The following PLD5 variants were observed in gnomAD, a reference collection of about 807,000 sequenced individuals.
The protein encoded by PLD5 is phospholipase D family member 5, also known as inactive phospholipase D5.
A neutral mutation model predicts 61.1 loss-of-function variants in PLD5; 36 were observed. The observed-to-expected ratio is 0.59, with a 90% CI of 0.45 to 0.78. PLD5 has a LOEUF of 0.78. PLD5 is among the 30% of genes least tolerant of loss of function. The pLI is 0.00. For synonymous variants in PLD5, 243 were observed against 242.8 expected, an observed-to-expected ratio of 1.00 and a Z score of -0.01; for missense variants, 515 against 644.4, an observed-to-expected ratio of 0.80 and a Z score of 2.17.
chr1:242,293,615 T>C (rs1675493463), intron 2 of PLD5, among the ~76,000 whole-genome samples: 2 of 152,186 alleles, frequency 1.3e-5, no homozygotes, highest in Non-Finnish European at 2.9e-5. Context: ...ACACATCCTC[T>C]GAGGATAAGT....
At position 242,233,570 on chromosome 1, in the gene PLD5, G is replaced by A. The variant is rs899878348; in HGVS notation, c.608-13455C>T. Among the ~76,000 whole-genome samples, 6 of 152,024 alleles carry A rather than the reference G, an allele frequency of 3.9e-5. No homozygotes were observed. In the East Asian group the frequency reaches 5.8e-4, roughly 15 times the overall value. On this transcript the variant is annotated intron_variant, in intron 4 of 9. Coordinates refer to ENST00000536534, the MANE Select transcript of PLD5 (RefSeq NM_001372062.1). ...GAGAGGAGTTGGAGGTAGTGAGGGC[G>A]GCAGGGAGGGAGGGAGGGCTGGCGG...
intron 1 of PLD5, among the ~76,000 whole-genome samples, chr1:242,515,404 G>A (rs1669073428): frequency 6.6e-6 from 1 of 152,152 alleles, no homozygotes; most frequent in Non-Finnish European, 1.5e-5. Flanking sequence ...GTAGAGATGA[G>A]GTTTCACCAT....
At chr1:242,207,129 T>C (rs887064068) in intron 5 of PLD5, among the ~76,000 whole-genome samples, 1 of 152,186 alleles carries the variant, frequency 6.6e-6, no homozygotes, top group Non-Finnish European at 1.5e-5. Flanking sequence ...AACCTACTGA[T>C]GTCAATGTGA....
intron 5 of PLD5, among the ~76,000 whole-genome samples, chr1:242,186,537 C>T (rs1667907560): frequency 6.6e-6 from 1 of 151,992 alleles, no homozygotes; most frequent in Non-Finnish European, 1.5e-5. Flanking sequence ...GGTATAGTCA[C>T]TGGCCTTCCC....
At chr1:242,111,057 ATTTTTTT>A (rs112040049) in intron 7 of PLD5, among the ~76,000 whole-genome samples, 1 of 145,418 alleles carries the variant, frequency 6.9e-6, no homozygotes, top group Admixed American at 6.9e-5. Context: ...GGGCTTCTGA[ATTTTTTT>A]TTTTTTTTTT....
chr1:242,287,149 C>G (rs560970072), intron 3 of PLD5, among the ~76,000 whole-genome samples: 17 of 152,200 alleles, frequency 1.1e-4, no homozygotes, highest in Admixed American at 2.6e-4. Context: ...TGAATCATGA[C>G]AGAACATGCA....
intron 2 of PLD5, among the ~76,000 whole-genome samples, chr1:242,344,285 A>T (rs1176386196): frequency 6.6e-6 from 1 of 152,170 alleles, no homozygotes; most frequent in Non-Finnish European, 1.5e-5. Flanking sequence ...GCCTCTAATC[A>T]GAGCACACCT....
chr1:242,120,443 A>G (rs1662277294), intron 6 of PLD5, among the ~76,000 whole-genome samples: 1 of 151,698 alleles, frequency 6.6e-6, no homozygotes, highest in African/African-American at 2.4e-5. Flanking sequence ...GTGAGCCACC[A>G]TGCCCAGCCT....
chr1:242,396,578 C>A (rs1380483792), intron 1 of PLD5, among the ~76,000 whole-genome samples: 1 of 152,132 alleles, frequency 6.6e-6, no homozygotes, highest in Admixed American at 6.5e-5. Context: ...CCAATCCTCA[C>A]CTTACTTGAC....
chr1:242,198,070 C>CTGAA (rs58830670), intron 5 of PLD5, among the ~76,000 whole-genome samples: 14,474 of 150,442 alleles, frequency 0.096, 1,461 homozygotes, highest in African/African-American at 0.26. Context: ...CAAATCCTTG[C>CTGAA]TGAATGAATG....
intron 9 of PLD5, among the ~76,000 whole-genome samples, chr1:242,094,122 GC>G (rs1660046043): frequency 2.0e-5 from 3 of 151,744 alleles, no homozygotes; most frequent in Middle Eastern, 3.4e-3. Context: ...ATTTCATCCA[GC>G]TTTTTTTTTT....
chr1:242,178,364 C>T (rs1389245482), intron 5 of PLD5: 1 of 152,204 alleles, frequency 6.6e-6, no homozygotes, highest in Non-Finnish European at 1.5e-5. Flanking sequence ...TATCACAACT[C>T]AGTAAGTCCC....
intron 4 of PLD5, among the ~76,000 whole-genome samples, chr1:242,240,113 T>A (rs541323369): frequency 1.3e-5 from 2 of 152,348 alleles, no homozygotes; most frequent in Admixed American, 1.3e-4. Flanking sequence ...AAGACTTTAT[T>A]TTACACTGCA....
At chr1:242,304,820 G>T (rs184106197) in intron 2 of PLD5, among the ~76,000 whole-genome samples, 154 of 152,310 alleles carry the variant, frequency 1.0e-3, no homozygotes, top group Middle Eastern at 3.4e-3. Flanking sequence ...GAAAATAATT[G>T]TGAGCTGGAT....
intron 1 of PLD5, among the ~76,000 whole-genome samples, chr1:242,357,059 AT>A (rs139988668): frequency 0.83 from 124,150 of 150,094 alleles, 52,202 homozygotes; most frequent in Non-Finnish European, 0.9. Flanking sequence ...AGTTAGAAGC[AT>A]TTTTTTTTTT....
intron 1 of PLD5, among the ~76,000 whole-genome samples, chr1:242,362,964 C>G (rs114246977): frequency 6.6e-6 from 1 of 152,230 alleles, no homozygotes; most frequent in South Asian, 2.1e-4. Context: ...AGCAGGACCT[C>G]GAAAGAGTCC....
chr1:242,178,840 C>T (rs1667339981), intron 5 of PLD5, among the ~76,000 whole-genome samples: 1 of 152,186 alleles, frequency 6.6e-6, no homozygotes, highest in African/African-American at 2.4e-5. Flanking sequence ...AGGAAAATGG[C>T]TGGCTTTGTG....
At chr1:242,465,400 A>G (rs568440294) in intron 1 of PLD5, among the ~76,000 whole-genome samples, 1 of 152,228 alleles carries the variant, frequency 6.6e-6, no homozygotes, top group Admixed American at 6.5e-5. Flanking sequence ...CCTATAGTAG[A>G]TTCTCAAACA....
At chr1:242,467,639 T>G (rs1371919642) in intron 1 of PLD5, among the ~76,000 whole-genome samples, 1 of 152,178 alleles carries the variant, frequency 6.6e-6, no homozygotes, top group South Asian at 2.1e-4. Flanking sequence ...TTCATTAACT[T>G]GACCTCTCAA....
Sources: allele counts gnomAD v4.1 joint callset (sites outside exome capture counted in the v4.1 genomes callset), GRCh38; gene constraint gnomAD v4.1.1; transcripts MANE v1.5; gene names NCBI Gene and HGNC (gene_info 2026-07-23, HGNC 2026-07-21).